The following SEMA3E variants were observed in gnomAD, a reference collection of about 807,000 sequenced individuals.
SEMA3E encodes semaphorin 3E.
In SEMA3E, 49 loss-of-function variants were observed where a neutral mutation model predicts 93.6. That is an observed-to-expected ratio of 0.52 (90% CI 0.42 to 0.66). The LOEUF (loss-of-function observed/expected upper bound fraction) is 0.66. SEMA3E is among the 30% of genes least tolerant of loss of function. The pLI is 0.00. For missense variants in SEMA3E, 906 were observed against 964.8 expected (o/e 0.94, Z 0.81); for synonymous variants, 363 against 330.7 (o/e 1.10, Z -1.06).
At chr7:83,443,916 G>GATATATATATAT (rs60405752) in intron 4 of SEMA3E, among the ~76,000 whole-genome samples, 96 of 147,434 alleles carry the variant, frequency 6.5e-4, no homozygotes, top group African/African-American at 2.2e-3. Context: ...ATAATGACCT[G>GATATATATATAT]ATATATATAT....
At chr7:83,470,192 G>A (rs1789862774) in intron 2 of SEMA3E, among the ~76,000 whole-genome samples, 1 of 152,092 alleles carries the variant, frequency 6.6e-6, no homozygotes, top group South Asian at 2.1e-4. Flanking sequence ...TTTATTCTCT[G>A]ATAAGAAGAA....
intron 1 of SEMA3E, among the ~76,000 whole-genome samples, chr7:83,560,972 C>A (rs1191747917): frequency 2.0e-5 from 3 of 151,838 alleles, no homozygotes; most frequent in African/African-American, 7.3e-5. Flanking sequence ...AAATCATAAA[C>A]TATGATTCAA....
rs534875527 is a variant in SEMA3E, at chr7:83,497,921, A to G, written c.116-7647T>C. 3.9e-5 allele frequency among the ~76,000 whole-genome samples: 6 copies of G among 152,284 alleles called. No homozygotes were observed. The South Asian group carries it at 1.2e-3, about 32-fold the overall frequency. Reference sequence around the variant, plus strand: ...AATTCTCCAGTTAAAAGAAAATAATATAATTTATAATTTTCAGATTCCTTG... The same window carrying G: ...AATTCTCCAGTTAAAAGAAAATAATGTAATTTATAATTTTCAGATTCCTTG... On this transcript the variant is annotated intron_variant, in intron 1 of 16. Coordinates refer to ENST00000643230, the MANE Select transcript of SEMA3E (RefSeq NM_012431.3).
intron 1 of SEMA3E, among the ~76,000 whole-genome samples, chr7:83,583,523 GTTCAC>G (rs1428124509): frequency 6.6e-6 from 1 of 152,022 alleles, no homozygotes; most frequent in Non-Finnish European, 1.5e-5. Context: ...CTTACCATTC[GTTCAC>G]TTCTTTCTTC....
At chr7:83,498,406 T>C (rs1398951048) in intron 1 of SEMA3E, among the ~76,000 whole-genome samples, 1 of 152,162 alleles carries the variant, frequency 6.6e-6, no homozygotes, top group Non-Finnish European at 1.5e-5. Flanking sequence ...ACAAATCCGA[T>C]TTTAGTATCC....
intron 4 of SEMA3E, among the ~76,000 whole-genome samples, chr7:83,426,959 C>T (rs1372185454): frequency 1.3e-5 from 2 of 152,020 alleles, no homozygotes; most frequent in African/African-American, 4.8e-5. Flanking sequence ...TTATGATGGA[C>T]TCTTGCTAGG....
intron 1 of SEMA3E, among the ~76,000 whole-genome samples, chr7:83,601,296 A>C (rs1420570071): frequency 6.6e-6 from 1 of 152,234 alleles, no homozygotes; most frequent in East Asian, 1.9e-4. Flanking sequence ...AGCAGTAGGA[A>C]ACTAATACAA....
At chr7:83,515,411 A>T (rs1480036382) in intron 1 of SEMA3E, among the ~76,000 whole-genome samples, 1 of 152,088 alleles carries the variant, frequency 6.6e-6, no homozygotes, top group Non-Finnish European at 1.5e-5. Context: ...AGTGCAAATT[A>T]TTAGGAAAAT....
rs192908996 is a variant in SEMA3E, at chr7:83,424,126, T to C, written c.457-5643A>G. Among the ~76,000 whole-genome samples, 153 of 152,226 alleles carry C rather than the reference T, an allele frequency of 1.0e-3. 1 individual carries two copies. Among genetic ancestry groups the C allele is most frequent in the African/African-American group, 3.4e-3 (141 of 41,556 alleles). ...CATTCATTTTATCAGTGCATAACAA[T>C]AGATGGTTAATAATGCCCCAGGAGT... On this transcript the variant is annotated intron_variant, in intron 4 of 16. Coordinates refer to ENST00000643230, the MANE Select transcript of SEMA3E (RefSeq NM_012431.3).
chr7:83,405,509 A>G lies in SEMA3E; in HGVS notation c.939T>C (p.Phe313=), dbSNP rs753585356. The G allele has an allele frequency of 3.7e-6, 6 of 1,613,042 alleles. No individual in the cohort carries two copies. The South Asian group carries it at 5.5e-5, about 15-fold the overall frequency. ...DTYFDELEDV[F]LLPTRDHKNP... ...TCTTATGATCTCTGGTAGGTAGCAA[A>G]AAAACGTCCTCTGAAAAATTAAAGG... The change falls in exon 9 of 17, where the codon TTT becomes TTC. Residue 313 remains phenylalanine (F), a synonymous_variant. Coordinates refer to ENST00000643230, the MANE Select transcript of SEMA3E (RefSeq NM_012431.3).
intron 1 of SEMA3E, among the ~76,000 whole-genome samples, chr7:83,524,552 A>T (rs1467761356): frequency 6.6e-6 from 1 of 152,112 alleles, no homozygotes; most frequent in East Asian, 1.9e-4. Context: ...CACGTCATTC[A>T]TTGTACATAG....
At chr7:83,468,962 C>A (rs1677399107) in intron 3 of SEMA3E, among the ~76,000 whole-genome samples, 1 of 151,938 alleles carries the variant, frequency 6.6e-6, no homozygotes, top group South Asian at 2.1e-4. Flanking sequence ...CTGCCAAATA[C>A]ATGAGAAATA....
chr7:83,638,036 A>C (rs1279454567), intron 1 of SEMA3E, among the ~76,000 whole-genome samples: 1 of 152,168 alleles, frequency 6.6e-6, no homozygotes, highest in Non-Finnish European at 1.5e-5. Context: ...TACTCATTAT[A>C]TATAGCTATC....
chr7:83,417,793 T>A (rs1788583334), intron 5 of SEMA3E, among the ~76,000 whole-genome samples: 1 of 152,166 alleles, frequency 6.6e-6, no homozygotes, highest in South Asian at 2.1e-4. Flanking sequence ...CTTTGTCTAA[T>A]TAAATTAAAT....
intron 4 of SEMA3E, among the ~76,000 whole-genome samples, chr7:83,425,413 T>C (rs1788750231): frequency 6.6e-6 from 1 of 152,142 alleles, no homozygotes; most frequent in Admixed American, 6.6e-5. Context: ...CTTATTTTGC[T>C]TCTTTACCAC....
At chr7:83,524,172 A>G (rs1383072912) in intron 1 of SEMA3E, among the ~76,000 whole-genome samples, 1 of 152,136 alleles carries the variant, frequency 6.6e-6, no homozygotes, top group Non-Finnish European at 1.5e-5. Context: ...ACCTTGTAAG[A>G]TAGTTTTCTT....
chr7:83,475,379 G>C (rs1434845912), intron 2 of SEMA3E, among the ~76,000 whole-genome samples: 1 of 151,982 alleles, frequency 6.6e-6, no homozygotes, highest in East Asian at 1.9e-4. Flanking sequence ...TTTTCAAATA[G>C]CCTGAAAAGA....
At chr7:83,425,848 G>T (rs1392450976) in intron 4 of SEMA3E, among the ~76,000 whole-genome samples, 1 of 152,028 alleles carries the variant, frequency 6.6e-6, no homozygotes, top group Non-Finnish European at 1.5e-5. Flanking sequence ...ATCCAACAAA[G>T]GTTTAATATC....
intron 4 of SEMA3E, among the ~76,000 whole-genome samples, chr7:83,422,253 G>A (rs1788681617): frequency 6.6e-6 from 1 of 152,104 alleles, no homozygotes; most frequent in South Asian, 2.1e-4. Context: ...CAAAGGTGTG[G>A]CTAAACTTAT....
Sources: gnomAD v4.1 joint callset for allele counts (sites outside exome capture counted in the v4.1 genomes callset) on GRCh38, gnomAD v4.1.1 for gene constraint, MANE v1.5 for transcripts, NCBI Gene and HGNC (gene_info 2026-07-23, HGNC 2026-07-21) for gene names.